KIAA1328: variants seen among roughly 807,000 people sequenced by gnomAD.
KIAA1328 encodes KIAA1328, also known as protein hinderin.
In KIAA1328, 52 loss-of-function variants were observed where a neutral mutation model predicts 68.1. The observed-to-expected ratio is 0.76, with a 90% CI of 0.61 to 0.96. The LOEUF (loss-of-function observed/expected upper bound fraction) is 0.96. Ranked by LOEUF, KIAA1328 falls within the 40% of genes least tolerant of loss-of-function variation. KIAA1328 has a pLI of 0.00. For synonymous variants in KIAA1328, 232 were observed against 239.4 expected (o/e 0.97, Z 0.28); for missense variants, 641 against 677.6 (o/e 0.95, Z 0.60).
chr18:36,984,904 C>CAAAAAAAAAAAAAAAAAAAAAAAAAA (rs56357519), intron 6 of KIAA1328, among the ~76,000 whole-genome samples: 1 of 80,744 alleles, frequency 1.2e-5, no homozygotes, highest in Non-Finnish European at 2.4e-5. Context: ...GACTCCATCT[C>CAAAAAAAAAAAAAAAAAAAAAAAAAA]AAAAAAAAAA....
chr18:37,112,115 A>G (rs2057949303), intron 7 of KIAA1328, among the ~76,000 whole-genome samples: 1 of 152,214 alleles, frequency 6.6e-6, no homozygotes. Context: ...GCTGAACAAA[A>G]GGCAGCAGAA....
intron 9 of KIAA1328, among the ~76,000 whole-genome samples, chr18:37,199,415 A>G (rs927780130): frequency 3.9e-5 from 6 of 152,232 alleles, no homozygotes; most frequent in Non-Finnish European, 8.8e-5. Context: ...TGTTCCTGCA[A>G]AGGACATTAT....
intron 6 of KIAA1328, among the ~76,000 whole-genome samples, chr18:37,020,773 G>A (rs927480365): frequency 2.6e-5 from 4 of 152,124 alleles, no homozygotes; most frequent in East Asian, 3.8e-4. Flanking sequence ...TCATCTGCTC[G>A]AAATAGTTTG....
intron 6 of KIAA1328, among the ~76,000 whole-genome samples, chr18:37,049,683 C>T (rs1376926891): frequency 6.6e-6 from 1 of 152,142 alleles, no homozygotes; most frequent in African/African-American, 2.4e-5. Flanking sequence ...TAGCCACCTA[C>T]ACAAGGAAGA....
At chr18:37,039,809 A>T (rs2055174993) in intron 6 of KIAA1328, among the ~76,000 whole-genome samples, 1 of 152,128 alleles carries the variant, frequency 6.6e-6, no homozygotes, top group African/African-American at 2.4e-5. Flanking sequence ...AGTCCGGTTG[A>T]ACTTCACTGG....
chr18:37,011,139 A>G (rs765239313), intron 6 of KIAA1328, among the ~76,000 whole-genome samples: 23 of 152,240 alleles, frequency 1.5e-4, no homozygotes, highest in Non-Finnish European at 2.2e-4. Context: ...TTCCCTTGCT[A>G]TTATAGGAAA....
At chr18:37,094,325 G>A (rs1024615505) in intron 7 of KIAA1328, among the ~76,000 whole-genome samples, 1 of 151,964 alleles carries the variant, frequency 6.6e-6, no homozygotes, top group Non-Finnish European at 1.5e-5. Flanking sequence ...TAGAGGCCAG[G>A]AGAGAATGGA....
chr18:36,953,284 ATATATT>A (rs1350875823), intron 5 of KIAA1328, among the ~76,000 whole-genome samples: 3 of 147,358 alleles, frequency 2.0e-5, no homozygotes, highest in African/African-American at 4.9e-5. Context: ...ATATAAATAA[ATATATT>A]TATATTTATT....
chr18:36,891,258 A>T (rs2048675522), intron 5 of KIAA1328, among the ~76,000 whole-genome samples: 1 of 152,224 alleles, frequency 6.6e-6, no homozygotes, highest in Non-Finnish European at 1.5e-5. Flanking sequence ...ATATATTTAA[A>T]TACCACTCTA....
chr18:37,020,210 G>A (rs530836826), intron 6 of KIAA1328, among the ~76,000 whole-genome samples: 1 of 152,104 alleles, frequency 6.6e-6, no homozygotes, highest in South Asian at 2.1e-4. Context: ...TGCAATGTCT[G>A]CCTCCCGCGT....
chr18:37,160,468 T>C, intron 8 of KIAA1328, 87 bp downstream of exon 8: 2 of 1,254,636 alleles, frequency 1.6e-6, no homozygotes, highest in Non-Finnish European at 2.2e-6. Flanking sequence ...TTTCCTACAA[T>C]GCTGAGCAAA....
chr18:37,084,397 C>A, intron 7 of KIAA1328: 10 of 319,980 alleles, frequency 3.1e-5, no homozygotes, highest in East Asian at 4.9e-5. Flanking sequence ...ATATGAAAAA[C>A]AAAATAAAAA....
In KIAA1328 at chr18:37,190,232, A is replaced by T. The variant is rs1469637476; in HGVS notation, c.1523+17151A>T. On this transcript the variant is annotated intron_variant, in intron 9 of 9. Coordinates refer to ENST00000280020, the MANE Select transcript of KIAA1328 (RefSeq NM_020776.3). ...CCAGGGTTGAATTGTTGGAATGAGAATGTACATGTTTCTCTCATAACTTAC... is the reference window on the plus strand; with the variant it reads ...CCAGGGTTGAATTGTTGGAATGAGATTGTACATGTTTCTCTCATAACTTAC... 2.6e-5 allele frequency among the ~76,000 whole-genome samples: 4 copies of T among 152,120 alleles called. No homozygotes were observed. The East Asian group carries it at 7.7e-4, about 29-fold the overall frequency.
At chr18:37,018,911 CTTTATCTGCCATTTCTAAG>C (rs1362925910) in intron 6 of KIAA1328, among the ~76,000 whole-genome samples, 2 of 152,086 alleles carry the variant, frequency 1.3e-5, no homozygotes, top group Admixed American at 1.3e-4. Context: ...GCTTTGGATT[CTTTATCTGCCATTTCTAAG>C]TTTCTGTTTT....
At chr18:36,940,027 A>T (rs2050647968) in intron 5 of KIAA1328, among the ~76,000 whole-genome samples, 1 of 152,000 alleles carries the variant, frequency 6.6e-6, no homozygotes, top group Non-Finnish European at 1.5e-5. Context: ...CATTGTGTCC[A>T]AAGACACTGT....
intron 7 of KIAA1328, among the ~76,000 whole-genome samples, chr18:37,157,255 A>G (rs904356799): frequency 1.3e-5 from 2 of 152,020 alleles, no homozygotes; most frequent in African/African-American, 4.8e-5. Flanking sequence ...ACATGGTGAG[A>G]GTTTTTTGTT....
At chr18:37,050,469 G>A (rs545726780) in intron 6 of KIAA1328, among the ~76,000 whole-genome samples, 18 of 151,932 alleles carry the variant, frequency 1.2e-4, no homozygotes, top group Non-Finnish European at 2.4e-4. Flanking sequence ...ATTCAAACTA[G>A]CATTATGCTT....
intron 9 of KIAA1328, among the ~76,000 whole-genome samples, chr18:37,206,896 A>G (rs886318920): frequency 4.6e-5 from 7 of 152,166 alleles, no homozygotes; most frequent in African/African-American, 1.7e-4. Context: ...CAAACCTTTG[A>G]AAATAATAAA....
chr18:37,062,600 C>T (rs113631629), intron 6 of KIAA1328, among the ~76,000 whole-genome samples: 3 of 152,046 alleles, frequency 2.0e-5, no homozygotes, highest in African/African-American at 4.8e-5. Flanking sequence ...GGACTGCAGG[C>T]GCTTGCCACC....
Sources: allele counts gnomAD v4.1 joint callset (sites outside exome capture counted in the v4.1 genomes callset), GRCh38; gene constraint gnomAD v4.1.1; transcripts MANE v1.5; gene names NCBI Gene and HGNC (gene_info 2026-07-23, HGNC 2026-07-21).